The following CSAD variants were observed in gnomAD, a reference collection of about 807,000 sequenced individuals.
The protein encoded by CSAD is P-selectin cytoplasmic tail-associated protein.
A neutral mutation model predicts 61.5 loss-of-function variants in CSAD; 47 were observed. The observed-to-expected ratio is 0.76, with a 90% CI of 0.60 to 0.97. The LOEUF (loss-of-function observed/expected upper bound fraction) is 0.97. CSAD is among the 50% of genes least tolerant of loss of function. The probability of loss-of-function intolerance (pLI) is 0.00; values close to 1 mark genes in which losing one functional copy is unlikely to be tolerated. For missense variants in CSAD, 611 were observed against 643.6 expected (o/e 0.95, Z 0.55); for synonymous variants, 245 against 252.7 (o/e 0.97, Z 0.29).
At chr12:53,175,055 G>A (rs1020279832) in intron 2 of CSAD, among the ~76,000 whole-genome samples, 4 of 152,164 alleles carry the variant, frequency 2.6e-5, no homozygotes, top group Non-Finnish European at 4.4e-5. Flanking sequence ...ACTTCTGAGC[G>A]CCTGGCTGGC....
chr12:53,180,487 GGCGCGCCCCGGCCACGGC>G lies in CSAD; in HGVS notation c.-91+227_-91+244del, dbSNP rs1313978567. ...TGCCCTCAGTCTCGATGGCGGCCGGGGCGCGCCCCGGCCACGGCGCACGCGCCGGCCTCAGCGCTCCCT... is the reference window on the plus strand; with the variant it reads ...TGCCCTCAGTCTCGATGGCGGCCGGGGCACGCGCCGGCCTCAGCGCTCCCT... On this transcript the variant is annotated intron_variant, in intron 1 of 16. Transcript: ENST00000444623. 48 of 1,224,012 alleles carry G rather than the reference GGCGCGCCCCGGCCACGGC, an allele frequency of 3.9e-5. No homozygotes were observed. In the African/African-American group the frequency reaches 4.0e-4, roughly 10 times the overall value. 75.8% of individuals were successfully genotyped at this position (1,224,012 alleles called of 1,614,324 possible).
chr12:53,159,748 GA>G (rs1263607738), intron 15 of CSAD, 36 bp from the exon 16 acceptor site: 1 of 1,571,994 alleles, frequency 6.4e-7, no homozygotes. Flanking sequence ...TGTGAGCTGA[GA>G]AAGGGGGACC....
At chr12:53,170,377 G>A (rs774096318) in intron 9 of CSAD, 46 bp downstream of exon 9, 16 of 1,536,182 alleles carry the variant, frequency 1.0e-5, no homozygotes, top group East Asian at 2.2e-5. Flanking sequence ...AGGAAGTTAC[G>A]CTGTGCAAAG....
chr12:53,173,992 T>C (rs1292748916), intron 2 of CSAD: 2 of 554,398 alleles, frequency 3.6e-6, no homozygotes, highest in Non-Finnish European at 6.5e-6. Flanking sequence ...ATTTGTCTAG[T>C]CTGGCCATTT....
rs1592305866 is a variant in CSAD, at chr12:53,161,017, C to T, written c.884+110G>A. ...GCTCCAATCAATCCTCTCTCCAGTC[C>T]CCCTCCCCTCAGCCTCCTACCCCAG... On this transcript the variant is annotated intron_variant, in intron 12 of 16. Coordinates refer to ENST00000444623, the MANE Select transcript of CSAD (RefSeq NM_001244705.2). 3.3e-6 allele frequency: 4 copies of T among 1,209,942 alleles called. No homozygotes were observed. The East Asian group carries it at 7.6e-5, about 23-fold the overall frequency. 75.0% of individuals were successfully genotyped at this position (1,209,942 alleles called of 1,614,324 possible). A position where few individuals can be genotyped will look rare whatever the true frequency, so the allele number is the denominator to read the frequency against.
In CSAD at chr12:53,161,397, C is replaced by T; in HGVS notation, c.703-8G>A. 1 of 1,605,628 alleles carries T rather than the reference C, an allele frequency of 6.2e-7. No individual in the cohort carries two copies. Among genetic ancestry groups the T allele is most frequent in the Non-Finnish European group, 8.5e-7 (1 of 1,173,012 alleles). On this transcript the variant is annotated splice_polypyrimidine_tract_variant and splice_region_variant and intron_variant, in intron 10 of 16. Coordinates refer to ENST00000444623, the MANE Select transcript of CSAD (RefSeq NM_001244705.2). ...CAGGAACGGCACAGCACCCTGTTGCCAAAATGTAGAGGGAGAAAGATGTAA... is the reference window on the plus strand; with the variant it reads ...CAGGAACGGCACAGCACCCTGTTGCTAAAATGTAGAGGGAGAAAGATGTAA...
At chr12:53,178,224 G>C (rs1941251809) in intron 2 of CSAD, 1 of 361,096 alleles carries the variant, frequency 2.8e-6, no homozygotes, top group Non-Finnish European at 5.5e-6. Context: ...TGTAATCCTA[G>C]CACTCTAGGA....
rs1449932338 is a variant in CSAD at position 53,180,872 on chromosome 12, G to A, written c.-231C>T. 8.2e-7 allele frequency: 1 copy of A among 1,220,288 alleles called. No individual in the cohort carries two copies. The highest frequency in any genetic ancestry group is 1.0e-6 in the Non-Finnish European group (1 of 954,146). 75.6% of individuals were successfully genotyped at this position (1,220,288 alleles called of 1,614,324 possible). A position where few individuals can be genotyped will look rare whatever the true frequency, so the allele number is the denominator to read the frequency against. Reference sequence around the variant, plus strand: ...AGCCCCAAAGACCGCAGCGTCGTCCGTACAGACGGCAGCGCTTCAGTAGCT... The same window carrying A: ...AGCCCCAAAGACCGCAGCGTCGTCCATACAGACGGCAGCGCTTCAGTAGCT... On this transcript the variant is annotated 5_prime_UTR_variant, in exon 1 of 17. The change creates a new upstream start codon in the 5' untranslated region. Transcript: ENST00000444623.
intron 2 of CSAD, among the ~76,000 whole-genome samples, chr12:53,176,731 A>T (rs982639852): frequency 2.8e-4 from 43 of 152,154 alleles, no homozygotes; most frequent in African/African-American, 6.0e-4. Context: ...AAAAAAAAAA[A>T]ATATTTATTT....
At position 53,170,246 on chromosome 12, in the gene CSAD, C is replaced by A. The variant is rs190847204; in HGVS notation, c.648-120G>T. On this transcript the variant is annotated intron_variant, in intron 9 of 16. Transcript: ENST00000444623. ...TTTTCCCTCAGGGGGTGAAACAGAT[C>A]TCAGGGCAGAGGTGGGAGACGCTGG... 1.0e-4 allele frequency: 110 copies of A among 1,062,878 alleles called. No individual in the cohort carries two copies. In the East Asian group the frequency reaches 2.6e-3, roughly 25 times the overall value. 65.8% of individuals were successfully genotyped at this position (1,062,878 alleles called of 1,614,324 possible).
chr12:53,161,125 A>G lies in CSAD; in HGVS notation c.884+2T>C. The stretch of plus-strand genomic sequence containing the variant: ...ATTTGGGAAGAAGGGGACTGTATGC[A>G]CCTCTGGATCCCATCCAGGAGATGC... On this transcript the variant is annotated splice_donor_variant, in intron 12 of 16. Coordinates refer to ENST00000444623, the MANE Select transcript of CSAD (RefSeq NM_001244705.2). LOFTEE classifies it high-confidence loss of function. The G allele has an allele frequency of 1.9e-6, 3 of 1,610,814 alleles. No individual in the cohort carries two copies. The highest frequency in any genetic ancestry group is 2.5e-6 in the Non-Finnish European group (3 of 1,177,054).
chr12:53,170,339 G>T, intron 9 of CSAD, 84 bp downstream of exon 9: 1 of 1,266,972 alleles, frequency 7.9e-7, no homozygotes. Context: ...CCAGCGGTAA[G>T]GGTCTGATGC....
At chr12:53,179,670 C>CAA (rs200549672) in intron 1 of CSAD, 2,849 of 826,482 alleles carry the variant, frequency 3.4e-3, no homozygotes, top group South Asian at 4.1e-3. Context: ...AATCTGTCTA[C>CAA]AAAAAAAAAA....
At chr12:53,180,284 A>T (rs1380460784) in intron 1 of CSAD, 1 of 985,296 alleles carries the variant, frequency 1.0e-6, no homozygotes, top group East Asian at 1.1e-4. Context: ...GAGTTACGTG[A>T]AAAGGCTGGG....
chr12:53,180,925 G>GGGGGA (rs1157428458), upstream of CSAD: 20 of 1,086,590 alleles, frequency 1.8e-5, no homozygotes, highest in African/African-American at 1.9e-4. Context: ...CGCGCGGGAA[G>GGGGGA]GGGGAGGGGA....
Position 53,170,097 on chromosome 12 carries a change from C to T in CSAD, c.677G>A (p.Arg226Lys). The T allele has an allele frequency of 6.2e-7, 1 of 1,614,130 alleles. No individual in the cohort carries two copies. Among genetic ancestry groups the T allele is most frequent in the South Asian group, 1.1e-5 (1 of 91,082 alleles). ...CTCAGCCTCGGCCATACCAATCTGC[C>T]TCTCCAGATCCTCGGGGACCATTTT... ...RGKMVPEDLERQIGMAEAEGA... is the reference protein window; with the variant it reads ...RGKMVPEDLEKQIGMAEAEGA... Residue 226 changes from arginine (R) to lysine (K), a missense_variant, in exon 10 of 17, where the codon AGG (arginine) becomes AAG (lysine). Coordinates refer to ENST00000444623, the MANE Select transcript of CSAD (RefSeq NM_001244705.2).
At chr12:53,165,047 C>A (rs892984425) in intron 10 of CSAD, among the ~76,000 whole-genome samples, 1 of 152,186 alleles carries the variant, frequency 6.6e-6, no homozygotes, top group Non-Finnish European at 1.5e-5. Context: ...TGAGGGGATG[C>A]ATGGCTCATG....
At position 53,160,770 on chromosome 12, in the gene CSAD, T is replaced by C. The variant is rs368445654; in HGVS notation, c.959A>G (p.Asp320Gly). 1.3e-6 allele frequency: 2 copies of C among 1,551,602 alleles called. No individual in the cohort carries two copies. Among genetic ancestry groups the C allele is most frequent in the Non-Finnish European group, 1.7e-6 (2 of 1,146,946 alleles). ...GGGCAGGGGCAGACCCACCGAGGTA[T>C]CCTGGAGAAGAAGTGCAGAGCATTG... is the stretch of plus-strand genomic sequence containing the variant. ...GLQCSALLLQ[D>G]TSNLLKRCHG... Residue 320 changes from aspartate to glycine, a missense_variant, in exon 13 of 17, where the codon GAT becomes GGT. Asp to Gly is a moderately conservative substitution (Grantham distance 94, BLOSUM62 -1). Coordinates refer to ENST00000444623, the MANE Select transcript of CSAD (RefSeq NM_001244705.2).
At chr12:53,160,901 A>G (rs1328167234) in intron 12 of CSAD, 57 bp from the exon 13 acceptor site, 6 of 1,471,260 alleles carry the variant, frequency 4.1e-6, no homozygotes, top group Non-Finnish European at 5.6e-6. Context: ...GCCCAACCAG[A>G]GCCCTTCCTC....
Sources: allele counts gnomAD v4.1 joint callset (sites outside exome capture counted in the v4.1 genomes callset), GRCh38; gene constraint gnomAD v4.1.1; transcripts MANE v1.5; gene names NCBI Gene and HGNC (gene_info 2026-07-23, HGNC 2026-07-21).